ANKS1B: variants seen among roughly 807,000 people sequenced by gnomAD.
The protein encoded by ANKS1B is ankyrin repeat and sterile alpha motif domain containing 1B, also known as ankyrin repeat and sterile alpha motif domain-containing protein 1B.
Under a neutral mutation model 148.3 loss-of-function variants are expected in ANKS1B, and 36 were observed. The observed-to-expected ratio is 0.24, with a 90% CI of 0.19 to 0.32. The LOEUF (loss-of-function observed/expected upper bound fraction) is 0.32. Among genes scored for constraint, ANKS1B ranks in the 10% least tolerant of loss-of-function variants. The pLI is 1.00. For missense variants in ANKS1B, 1,157 were observed against 1,542.6 expected, an observed-to-expected ratio of 0.75 and a Z score of 4.19; for synonymous variants, 542 against 560.8, an observed-to-expected ratio of 0.97 and a Z score of 0.47.
chr12:99,363,826 C>G (rs1438699395), intron 12 of ANKS1B, among the ~76,000 whole-genome samples: 1 of 152,098 alleles, frequency 6.6e-6, no homozygotes, highest in African/African-American at 2.4e-5. Flanking sequence ...CATACCAGAG[C>G]ATATCTTAGA....
intron 12 of ANKS1B, among the ~76,000 whole-genome samples, chr12:99,386,601 G>A (rs1475628559): frequency 6.6e-6 from 1 of 152,192 alleles, no homozygotes; most frequent in Non-Finnish European, 1.5e-5. Context: ...CACTAAAGGG[G>A]AAGAAAATTA....
chr12:99,949,568 G>C (rs570550341), intron 1 of ANKS1B, among the ~76,000 whole-genome samples: 8 of 152,040 alleles, frequency 5.3e-5, no homozygotes, highest in East Asian at 3.9e-4. Flanking sequence ...AGGAGAAGAG[G>C]GGACTAATGT....
intron 14 of ANKS1B, among the ~76,000 whole-genome samples, chr12:99,163,505 T>TGTGTGTGTG (rs770968774): frequency 5.4e-4 from 41 of 76,010 alleles, no homozygotes; most frequent in Non-Finnish European, 8.1e-4. Flanking sequence ...GTGTGTGTGT[T>TGTGTGTGTG]TAGTTCTGTA....
intron 9 of ANKS1B, among the ~76,000 whole-genome samples, chr12:99,530,337 C>T (rs1212825090): frequency 6.6e-6 from 1 of 152,186 alleles, no homozygotes; most frequent in Non-Finnish European, 1.5e-5. Flanking sequence ...TATTGCTAGG[C>T]TTACCTTACA....
intron 10 of ANKS1B, among the ~76,000 whole-genome samples, chr12:99,496,996 C>T (rs1372784168): frequency 2.6e-5 from 4 of 152,080 alleles, no homozygotes; most frequent in Admixed American, 6.5e-5. Flanking sequence ...GTTTTAATCC[C>T]TATATTTGTT....
intron 12 of ANKS1B, among the ~76,000 whole-genome samples, chr12:99,353,714 T>C (rs766806356): frequency 6.6e-6 from 1 of 152,050 alleles, no homozygotes; most frequent in South Asian, 2.1e-4. Flanking sequence ...TCCCATCCAT[T>C]TCCTCTATGA....
chr12:99,612,703 G>A (rs1029118370), intron 9 of ANKS1B, among the ~76,000 whole-genome samples: 3 of 152,140 alleles, frequency 2.0e-5, no homozygotes, highest in African/African-American at 7.2e-5. Context: ...TGCATGGCTT[G>A]TGGCTACATC....
intron 10 of ANKS1B, among the ~76,000 whole-genome samples, chr12:99,499,808 C>T (rs1415185142): frequency 1.3e-5 from 2 of 152,106 alleles, no homozygotes; most frequent in South Asian, 2.1e-4. Context: ...CTGTTGTTTT[C>T]ACTCACTAAG....
At chr12:99,116,666 G>A (rs1228755044) in intron 15 of ANKS1B, among the ~76,000 whole-genome samples, 2 of 152,028 alleles carry the variant, frequency 1.3e-5, no homozygotes, top group Non-Finnish European at 2.9e-5. Context: ...GCTTATGAGT[G>A]TCTTGGCTAT....
chr12:98,812,314 T>C (rs916497955), intron 19 of ANKS1B, among the ~76,000 whole-genome samples: 1 of 152,184 alleles, frequency 6.6e-6, no homozygotes, highest in Non-Finnish European at 1.5e-5. Flanking sequence ...ACCTACAGTA[T>C]TCAGTATAGT....
At chr12:99,355,767 G>C (rs909637617) in intron 12 of ANKS1B, among the ~76,000 whole-genome samples, 1 of 152,008 alleles carries the variant, frequency 6.6e-6, no homozygotes, top group East Asian at 1.9e-4. Flanking sequence ...TATTTACCCA[G>C]CTTACACCAT....
chr12:99,754,199 AG>A (rs879091098), intron 8 of ANKS1B, among the ~76,000 whole-genome samples: 1 of 152,102 alleles, frequency 6.6e-6, no homozygotes, highest in African/African-American at 2.4e-5. Context: ...AAAAAAAGCA[AG>A]GGTTGCTATT....
At chr12:99,021,603 C>G (rs148431005) in intron 17 of ANKS1B, among the ~76,000 whole-genome samples, 1 of 152,220 alleles carries the variant, frequency 6.6e-6, no homozygotes, top group African/African-American at 2.4e-5. Flanking sequence ...AGCATTATGA[C>G]TTTCACCTTG....
intron 12 of ANKS1B, among the ~76,000 whole-genome samples, chr12:99,249,304 T>C (rs551281557): frequency 1.3e-5 from 2 of 152,282 alleles, no homozygotes; most frequent in Admixed American, 6.5e-5. Context: ...AAAATGAGAA[T>C]TTTAGGGGCG....
At chr12:98,896,793 A>C (rs73382415) in intron 17 of ANKS1B, among the ~76,000 whole-genome samples, 1 of 152,150 alleles carries the variant, frequency 6.6e-6, no homozygotes, top group Admixed American at 6.5e-5. Flanking sequence ...AAGTGAGGCT[A>C]TTTAGTTCTG....
intron 19 of ANKS1B, among the ~76,000 whole-genome samples, chr12:98,822,114 C>A (rs1349879711): frequency 6.6e-6 from 1 of 151,980 alleles, no homozygotes; most frequent in East Asian, 1.9e-4. Context: ...AGGACTCCTG[C>A]CCTTTTCTGC....
At chr12:99,325,653 A>C (rs569090026) in intron 12 of ANKS1B, among the ~76,000 whole-genome samples, 1 of 152,286 alleles carries the variant, frequency 6.6e-6, no homozygotes, top group Non-Finnish European at 1.5e-5. Context: ...TGTTATGCCC[A>C]GATCAGCTGC....
At chr12:98,945,322 C>A (rs529818344) in intron 17 of ANKS1B, among the ~76,000 whole-genome samples, 2 of 151,664 alleles carry the variant, frequency 1.3e-5, no homozygotes, top group Admixed American at 1.3e-4. Context: ...ATGGTGAAAC[C>A]CCATCTCTAC....
chr12:99,938,875 T>C (rs1032094235), intron 1 of ANKS1B, among the ~76,000 whole-genome samples: 1 of 152,132 alleles, frequency 6.6e-6, no homozygotes, highest in Non-Finnish European at 1.5e-5. Context: ...AATGAGAAAT[T>C]TGAAGGATCA....
Sources: allele counts gnomAD v4.1 joint callset (sites outside exome capture counted in the v4.1 genomes callset), GRCh38; gene constraint gnomAD v4.1.1; transcripts MANE v1.5; gene names NCBI Gene and HGNC (gene_info 2026-07-23, HGNC 2026-07-21).